The following MLXIPL variants were observed in gnomAD, a reference collection of about 807,000 sequenced individuals.
MLXIPL encodes carbohydrate-responsive element-binding protein.
In MLXIPL, 49 loss-of-function variants were observed where a neutral mutation model predicts 81.5. The ratio of observed to expected loss-of-function variants is 0.60; its 90% CI spans 0.48 to 0.76. MLXIPL has a LOEUF of 0.76. Among genes scored for constraint, MLXIPL ranks in the 30% least tolerant of loss-of-function variants. The probability of loss-of-function intolerance (pLI) is 0.00; values close to 1 mark genes in which losing one functional copy is unlikely to be tolerated. For synonymous variants in MLXIPL, 466 were observed against 485.5 expected (o/e 0.96, Z 0.53); for missense variants, 1,053 against 1,167.0 (o/e 0.90, Z 1.42).
intron 5 of MLXIPL, chr7:73,606,422 CTTTTTCTTTTTT>C (rs1218896565): frequency 2.2e-5 from 10 of 445,064 alleles, no homozygotes; most frequent in East Asian, 7.8e-5. Context: ...TTTTCTTTTT[CTTTTTCTTTTTT>C]TTTTTTTTGG....
At chr7:73,631,166 G>C in the MLXIPL span, among the ~76,000 whole-genome samples, 3 of 152,000 alleles carry the variant, frequency 2.0e-5, no homozygotes, top group East Asian at 3.9e-4. Flanking sequence ...CCGCCACCAC[G>C]CCCAGCTAAT....
At chr7:73,627,120 C>T (rs1479075066), upstream of MLXIPL, among the ~76,000 whole-genome samples, 2 of 152,208 alleles carry the variant, frequency 1.3e-5, no homozygotes, top group African/African-American at 4.8e-5. Context: ...CTCCCTGCTG[C>T]CCTCTGTAGG....
At chr7:73,635,499 C>T in the MLXIPL span, among the ~76,000 whole-genome samples, 21 of 152,154 alleles carry the variant, frequency 1.4e-4, no homozygotes, top group South Asian at 4.2e-3. Context: ...ACCTTACTAT[C>T]CACCCATCTC....
At chr7:73,607,742 C>T in intron 2 of MLXIPL, 70 bp from the exon 3 acceptor site, 2 of 1,365,226 alleles carry the variant, frequency 1.5e-6, no homozygotes, top group Non-Finnish European at 2.1e-6. Flanking sequence ...GGGACTGGGA[C>T]TCAAGTGACA....
the MLXIPL span, among the ~76,000 whole-genome samples, chr7:73,642,208 TG>T: frequency 6.6e-5 from 10 of 152,282 alleles, no homozygotes; most frequent in East Asian, 1.9e-3. Context: ...AAGAGATGCA[TG>T]GGCTAGAGTA....
chr7:73,599,405 C>T (rs1182895104), intron 8 of MLXIPL, 121 bp downstream of exon 8: 13 of 1,287,064 alleles, frequency 1.0e-5, no homozygotes, highest in Middle Eastern at 2.6e-4. Context: ...CTTTCTTTCC[C>T]TCCAATCTCC....
At chr7:73,617,359 T>C (rs1413831694) in intron 1 of MLXIPL, among the ~76,000 whole-genome samples, 1 of 152,030 alleles carries the variant, frequency 6.6e-6, no homozygotes, top group Non-Finnish European at 1.5e-5. Flanking sequence ...ACTGCCTTCA[T>C]GGTACAGTCC....
chr7:73,614,230 A>C (rs1260621715), intron 2 of MLXIPL, among the ~76,000 whole-genome samples: 12 of 152,096 alleles, frequency 7.9e-5, no homozygotes, highest in Non-Finnish European at 1.3e-4. Flanking sequence ...AAAACAAAAC[A>C]AAACCAAACA....
intron 1 of MLXIPL, among the ~76,000 whole-genome samples, chr7:73,617,801 C>A (rs542274872): frequency 2.0e-5 from 3 of 151,886 alleles, no homozygotes; most frequent in Admixed American, 6.6e-5. Context: ...GCTATGATCA[C>A]GCCACTGCAC....
chr7:73,627,545 A>G (rs1341574849), upstream of MLXIPL, among the ~76,000 whole-genome samples: 1 of 152,024 alleles, frequency 6.6e-6, no homozygotes, highest in Non-Finnish European at 1.5e-5. Context: ...CACCGTGGCC[A>G]GCTCTCAGGT....
chr7:73,621,139 A>G (rs1796322948), intron 1 of MLXIPL, among the ~76,000 whole-genome samples: 1 of 151,948 alleles, frequency 6.6e-6, no homozygotes, highest in African/African-American at 2.4e-5. Flanking sequence ...GAAAACCCCA[A>G]GTTCAGCTGC....
chr7:73,635,992 C>G, the MLXIPL span, among the ~76,000 whole-genome samples: 1 of 152,178 alleles, frequency 6.6e-6, no homozygotes, highest in Non-Finnish European at 1.5e-5. Context: ...TGCCCTCCAG[C>G]AACTAGAGGG....
At chr7:73,600,903 G>A (rs1443213553) in intron 7 of MLXIPL, among the ~76,000 whole-genome samples, 1 of 151,932 alleles carries the variant, frequency 6.6e-6, no homozygotes, top group Non-Finnish European at 1.5e-5. Flanking sequence ...CCGGGCCTGG[G>A]CGCCGCCCGC....
chr7:73,601,179 G>A (rs2116273078), intron 7 of MLXIPL, among the ~76,000 whole-genome samples: 1 of 110,418 alleles, frequency 9.1e-6, no homozygotes, highest in Non-Finnish European at 2.2e-5. Flanking sequence ...AGGGTCAAGT[G>A]TGTGTGTGTG....
chr7:73,626,964 C>G (rs1318821394), upstream of MLXIPL, among the ~76,000 whole-genome samples: 2 of 152,178 alleles, frequency 1.3e-5, no homozygotes, highest in African/African-American at 2.4e-5. Flanking sequence ...GCCCTGAGGG[C>G]CCCAGCCACT....
At position 73,595,689 on chromosome 7, in the gene MLXIPL, A is replaced by G. The variant is rs1554593390; in HGVS notation, c.2258T>C (p.Met753Thr). ...ACGGGTTCGGACGTAGTCATCAAAC[A>G]TGTCTCGCATCTGGTCAAAACGCTG... ...THQRFDQMRD[M>T]FDDYVRTRTL... The change falls in exon 15 of 17, where the codon ATG (methionine) becomes ACG (threonine). Residue 753 changes from methionine to threonine, a missense_variant. Physicochemically the swap from Met to Thr is moderately conservative, Grantham distance 81. Transcript: ENST00000313375. The G allele has an allele frequency of 1.9e-6, 3 of 1,614,118 alleles. No individual in the cohort carries two copies. The highest frequency in any genetic ancestry group is 2.5e-6 in the Non-Finnish European group (3 of 1,179,988).
intron 4 of MLXIPL, 135 bp from the exon 5 acceptor site, chr7:73,607,153 A>T: frequency 1.5e-6 from 2 of 1,318,744 alleles, no homozygotes; most frequent in Non-Finnish European, 2.1e-6. Context: ...CTAGGTAAGG[A>T]GGCCGCTAGG....
At chr7:73,629,768 T>G in the MLXIPL span, among the ~76,000 whole-genome samples, 5 of 152,102 alleles carry the variant, frequency 3.3e-5, no homozygotes, top group African/African-American at 1.2e-4. Context: ...CATTTACTAG[T>G]GAGCCTGTCA....
rs782034969 is a variant in MLXIPL at position 73,599,635 on chromosome 7, G to A, written c.962C>T (p.Pro321Leu). The A allele has an allele frequency of 6.2e-7, 1 of 1,609,892 alleles. No individual in the cohort carries two copies. Among genetic ancestry groups the A allele is most frequent in the South Asian group, 1.1e-5 (1 of 90,752 alleles). The change falls in exon 8 of 17, where the codon CCC becomes CTC. Residue 321 changes from proline to leucine, a missense_variant. Pro to Leu is a moderately conservative substitution (Grantham distance 98). Around this residue, in one of 3 missense-constraint regions of MLXIPL, gnomAD observed 823 missense variants for 933.0 expected, o/e 0.88. Transcript: ENST00000313375. The part of the protein sequence containing the change: ...PPMPSNFPEP[P>L]SFSPVVDSLF... ...GGAGTCAACCACGGGGCTGAAGCTG[G>A]GGGGCTCTGGGAAGTTTGAAGGCAT...
Sources: allele counts gnomAD v4.1 joint callset (sites outside exome capture counted in the v4.1 genomes callset), GRCh38; gene constraint gnomAD v4.1.1; regional missense constraint gnomAD v4.1.1; transcripts MANE v1.5; gene names NCBI Gene and HGNC (gene_info 2026-07-23, HGNC 2026-07-21).